The following C16orf78 variants were observed in gnomAD, a reference collection of about 807,000 sequenced individuals.
C16orf78 encodes chromosome 16 open reading frame 78.
Under a neutral mutation model 27.3 loss-of-function variants are expected in C16orf78, and 19 were observed. The observed-to-expected ratio is 0.70, with a 90% CI of 0.49 to 1.02. The LOEUF (loss-of-function observed/expected upper bound fraction) is 1.02. Among genes scored for constraint, C16orf78 ranks in the 50% least tolerant of loss-of-function variants. The pLI is 0.00. For synonymous variants in C16orf78, 130 were observed against 116.1 expected, an observed-to-expected ratio of 1.12 and a Z score of -0.77; for missense variants, 339 against 337.0, an observed-to-expected ratio of 1.01 and a Z score of -0.05.
intron 3 of C16orf78, among the ~76,000 whole-genome samples, chr16:49,395,909 G>A (rs149321463): frequency 6.6e-6 from 1 of 152,188 alleles, no homozygotes; most frequent in African/African-American, 2.4e-5. Flanking sequence ...AACAGGGCAG[G>A]GAGAAAGGAG....
At chr16:49,386,062 G>A (rs1965346798) in intron 3 of C16orf78, among the ~76,000 whole-genome samples, 1 of 152,140 alleles carries the variant, frequency 6.6e-6, no homozygotes, top group African/African-American at 2.4e-5. Context: ...GAGAGCATCG[G>A]TGGCTATACT....
At chr16:49,374,602 G>C (rs533381543) in intron 1 of C16orf78, among the ~76,000 whole-genome samples, 21 of 152,358 alleles carry the variant, frequency 1.4e-4, no homozygotes, top group South Asian at 6.2e-4. Flanking sequence ...CCAAGGGGCA[G>C]TGGCTTCTGG....
At chr16:49,393,414 A>G (rs574838969) in intron 3 of C16orf78, among the ~76,000 whole-genome samples, 11 of 152,214 alleles carry the variant, frequency 7.2e-5, no homozygotes, top group Non-Finnish European at 1.5e-4. Context: ...AAAAATTAAC[A>G]TTCAAAAAAG....
intron 3 of C16orf78, among the ~76,000 whole-genome samples, chr16:49,381,542 T>C (rs1326795935): frequency 6.6e-6 from 1 of 151,958 alleles, no homozygotes; most frequent in African/African-American, 2.4e-5. Context: ...ATCCAGAATC[T>C]ACAATGAACT....
intron 3 of C16orf78, among the ~76,000 whole-genome samples, chr16:49,394,479 CA>C (rs11384900): frequency 2.0e-5 from 3 of 149,148 alleles, no homozygotes; most frequent in Non-Finnish European, 4.5e-5. Context: ...CAGTTGATGG[CA>C]AAAAAAAAGC....
At chr16:49,380,171 T>G (rs1023630645) in intron 3 of C16orf78, among the ~76,000 whole-genome samples, 1 of 152,186 alleles carries the variant, frequency 6.6e-6, no homozygotes, top group Non-Finnish European at 1.5e-5. Context: ...ACTGTCGGCT[T>G]CCCTACTTTT....
intron 3 of C16orf78, among the ~76,000 whole-genome samples, chr16:49,392,344 T>C (rs1965423793): frequency 6.6e-6 from 1 of 152,202 alleles, no homozygotes; most frequent in Non-Finnish European, 1.5e-5. Flanking sequence ...AGCCATACAT[T>C]CCTTCATCTG....
chr16:49,380,261 T>C (rs145359297), intron 3 of C16orf78, among the ~76,000 whole-genome samples: 2 of 152,224 alleles, frequency 1.3e-5, no homozygotes, highest in African/African-American at 4.8e-5. Context: ...TGTGATCATG[T>C]GAGTCAATAC....
intron 3 of C16orf78, among the ~76,000 whole-genome samples, chr16:49,384,363 A>T (rs1167461155): frequency 2.0e-5 from 3 of 149,966 alleles, no homozygotes; most frequent in African/African-American, 7.5e-5. Flanking sequence ...AAAAAAAAAA[A>T]AAAAAGCAGA....
chr16:49,399,213 C>A lies in C16orf78; in HGVS notation c.733C>A (p.His245Asn), dbSNP rs768529256. Reference protein sequence around the residue: ...DAGMNVDIHPHMVEEDIDAKK... With the variant: ...DAGMNVDIHPNMVEEDIDAKK... ...AGGAATGAATGTGGATATCCACCCC[C>A]ACATGGTCGAAGAGGACATAGATGC... Residue 245 changes from histidine to asparagine, a missense_variant, in exon 5 of 5, where the codon CAC becomes AAC. Transcript: ENST00000299191. The A allele has an allele frequency of 3.1e-6, 5 of 1,614,152 alleles. No individual in the cohort carries two copies. In the South Asian group the frequency reaches 4.4e-5, roughly 14 times the overall value.
intron 1 of C16orf78, among the ~76,000 whole-genome samples, chr16:49,376,909 G>A (rs993407900): frequency 2.6e-5 from 4 of 152,034 alleles, no homozygotes; most frequent in Admixed American, 6.5e-5. Context: ...CCAGGCCACC[G>A]TCTCCCTGTA....
chr16:49,396,827 A>T (rs1195460458), intron 4 of C16orf78, 149 bp downstream of exon 4: 2 of 1,128,126 alleles, frequency 1.8e-6, no homozygotes, highest in African/African-American at 1.6e-5. Flanking sequence ...GTCCCAAAGG[A>T]CTGCTCCAGG....
At chr16:49,396,150 G>A (rs1965469156) in intron 3 of C16orf78, among the ~76,000 whole-genome samples, 1 of 152,166 alleles carries the variant, frequency 6.6e-6, no homozygotes, top group Non-Finnish European at 1.5e-5. Flanking sequence ...GGTGAAGCAG[G>A]AGGATCACTT....
chr16:49,396,727 C>T, intron 4 of C16orf78, 49 bp downstream of exon 4: 2 of 1,579,014 alleles, frequency 1.3e-6, no homozygotes, highest in Non-Finnish European at 1.7e-6. Context: ...CTGGAACAGG[C>T]TTTGCTCACT....
At chr16:49,390,656 C>T (rs1339353207) in intron 3 of C16orf78, among the ~76,000 whole-genome samples, 1 of 152,224 alleles carries the variant, frequency 6.6e-6, no homozygotes, top group Admixed American at 6.5e-5. Flanking sequence ...TTGCCATGTT[C>T]TTGTCTACTA....
chr16:49,390,390 T>C (rs1236299085), intron 3 of C16orf78, among the ~76,000 whole-genome samples: 2 of 152,208 alleles, frequency 1.3e-5, no homozygotes, highest in Non-Finnish European at 2.9e-5. Context: ...AAAATTCATC[T>C]TGTGTTTTTC....
At chr16:49,378,016 C>A (rs561185489) in intron 2 of C16orf78, among the ~76,000 whole-genome samples, 166 bp downstream of exon 2, 1 of 152,326 alleles carries the variant, frequency 6.6e-6, no homozygotes, top group African/African-American at 2.4e-5. Flanking sequence ...CCCTCCCTAC[C>A]CTGTCCAGCC....
At chr16:49,394,628 A>G (rs1965449162) in intron 3 of C16orf78, among the ~76,000 whole-genome samples, 1 of 152,124 alleles carries the variant, frequency 6.6e-6, no homozygotes, top group Non-Finnish European at 1.5e-5. Context: ...ATTACTTAAA[A>G]TCAGGAAAAA....
intron 1 of C16orf78, among the ~76,000 whole-genome samples, 164 bp from the exon 2 acceptor site, chr16:49,377,567 C>T (rs1345411097): frequency 6.6e-6 from 1 of 152,022 alleles, no homozygotes; most frequent in Admixed American, 6.6e-5. Flanking sequence ...TACCAGGGCG[C>T]ATCTGGAAGC....
Sources: gnomAD v4.1 joint callset for allele counts (sites outside exome capture counted in the v4.1 genomes callset) on GRCh38, gnomAD v4.1.1 for gene constraint, MANE v1.5 for transcripts, NCBI Gene and HGNC (gene_info 2026-07-23, HGNC 2026-07-21) for gene names.